The following SLC39A11 variants were observed in gnomAD, a reference collection of about 807,000 sequenced individuals.
SLC39A11 encodes solute carrier family 39 member 11.
In SLC39A11, 33 loss-of-function variants were observed where a neutral mutation model predicts 36.1. The ratio of observed to expected loss-of-function variants is 0.91; its 90% CI spans 0.69 to 1.22. The LOEUF is 1.22. SLC39A11 is among the 50% of genes most tolerant of loss of function. SLC39A11 has a pLI of 0.00. For missense variants in SLC39A11, 432 were observed against 430.3 expected (o/e 1.00, Z -0.03); for synonymous variants, 166 against 170.3 (o/e 0.97, Z 0.20).
Position 73,068,259 on chromosome 17 carries a change from G to A in SLC39A11, c.147+16549C>T, listed in dbSNP as rs534016691. The A allele has an allele frequency of 4.6e-5, 34 of 735,488 alleles. No individual in the cohort carries two copies. In the African/African-American group the frequency reaches 5.6e-4, roughly 12 times the overall value. The allele number at this position is 735,488 out of a possible 1,614,324, so 45.6% of individuals were successfully genotyped here. A position where few individuals can be genotyped will look rare whatever the true frequency, so the allele number is the denominator to read the frequency against. ...CCTCCAGTAGCACTTGAGGGAGGAA[G>A]CTGCAACATGGACTGCGGCTCCTCC... On this transcript the variant is annotated intron_variant, in intron 3 of 9. Coordinates refer to ENST00000255559, the MANE Select transcript of SLC39A11 (RefSeq NM_139177.4).
chr17:72,853,345 T>C (rs1270461828), intron 5 of SLC39A11, among the ~76,000 whole-genome samples: 1 of 151,978 alleles, frequency 6.6e-6, no homozygotes, highest in Non-Finnish European at 1.5e-5. Context: ...GATTTTATAA[T>C]TTAAGAGAGG....
At chr17:73,004,887 C>T (rs963139064) in intron 4 of SLC39A11, among the ~76,000 whole-genome samples, 1 of 152,232 alleles carries the variant, frequency 6.6e-6, no homozygotes, top group Admixed American at 6.5e-5. Context: ...AAACAGTCCA[C>T]GAGAGGCAGG....
intron 5 of SLC39A11, among the ~76,000 whole-genome samples, chr17:72,919,112 C>A (rs1189104355): frequency 6.6e-6 from 1 of 152,040 alleles, no homozygotes; most frequent in Non-Finnish European, 1.5e-5. Context: ...CCAATTCGGA[C>A]CTCCAAACCT....
intron 1 of SLC39A11, among the ~76,000 whole-genome samples, chr17:73,089,147 C>T (rs756633967): frequency 2.0e-5 from 3 of 152,110 alleles, no homozygotes; most frequent in Non-Finnish European, 2.9e-5. Flanking sequence ...CCTCTTCTAC[C>T]GTCTCTTGCC....
At chr17:73,020,918 T>A (rs574486198) in intron 4 of SLC39A11, among the ~76,000 whole-genome samples, 1 of 152,182 alleles carries the variant, frequency 6.6e-6, no homozygotes, top group South Asian at 2.1e-4. Flanking sequence ...CCTGACCTTG[T>A]GATCTACCTG....
At chr17:72,848,907 A>G (rs1460747934) in intron 6 of SLC39A11, among the ~76,000 whole-genome samples, 1 of 152,202 alleles carries the variant, frequency 6.6e-6, no homozygotes, top group Non-Finnish European at 1.5e-5. Context: ...TTCCCTGCGC[A>G]GTAGAAAATC....
rs151142811 is a variant in SLC39A11, at chr17:73,047,990, A to AATATAT, written c.148-16282_148-16277dup. The stretch of plus-strand genomic sequence containing the variant: ...TCAAAAAAAAAAAAAAAAAAAAAAA[A>AATATAT]ATATATATATATATATATATATATA... On this transcript the variant is annotated intron_variant, in intron 3 of 9. Transcript: ENST00000255559. 2.0e-3 allele frequency among the ~76,000 whole-genome samples: 119 copies of AATATAT among 58,648 alleles called. 1 individual carries two copies. Among genetic ancestry groups the AATATAT allele is most frequent in the African/African-American group, 2.8e-3 (43 of 15,226 alleles). The allele number at this position is 58,648 out of a possible 152,430, so 38.5% of individuals were successfully genotyped here. A position where few individuals can be genotyped will look rare whatever the true frequency, so the allele number is the denominator to read the frequency against.
At chr17:72,961,709 C>T (rs1327612247) in intron 4 of SLC39A11, among the ~76,000 whole-genome samples, 3 of 146,572 alleles carry the variant, frequency 2.0e-5, no homozygotes, top group East Asian at 2.0e-4. Context: ...GGACACGGGG[C>T]GGGGAACATC....
intron 6 of SLC39A11, among the ~76,000 whole-genome samples, chr17:72,807,133 T>C (rs1026164547): frequency 4.6e-5 from 7 of 152,250 alleles, no homozygotes; most frequent in African/African-American, 1.4e-4. Flanking sequence ...CTTTTCATTA[T>C]TGATAGCATC....
chr17:72,987,081 T>A (rs1328124582), intron 4 of SLC39A11, among the ~76,000 whole-genome samples: 4 of 152,106 alleles, frequency 2.6e-5, no homozygotes, highest in Admixed American at 2.6e-4. Context: ...CTCCCCACAG[T>A]AATGTGCGAG....
rs142995203 is a variant in SLC39A11 at position 73,070,916 on chromosome 17, C to T, written c.147+13892G>A. Among the ~76,000 whole-genome samples, 254 of 152,278 alleles carry T rather than the reference C, an allele frequency of 1.7e-3. 1 individual carries two copies. Among genetic ancestry groups the T allele is most frequent in the African/African-American group, 5.8e-3 (239 of 41,540 alleles). On this transcript the variant is annotated intron_variant, in intron 3 of 9. Transcript: ENST00000255559. ...ACATCTCTTTTGTAAATTGCCCAGTCTCCCGTATGTCTTTATCAGCAGCAT... is the reference window on the plus strand; with the variant it reads ...ACATCTCTTTTGTAAATTGCCCAGTTTCCCGTATGTCTTTATCAGCAGCAT...
At chr17:72,865,166 CA>C (rs2080236529) in intron 5 of SLC39A11, among the ~76,000 whole-genome samples, 1 of 152,112 alleles carries the variant, frequency 6.6e-6, no homozygotes, top group Admixed American at 6.5e-5. Context: ...AAAACCAGTT[CA>C]GAGGTTGCCT....
chr17:72,694,694 T>A (rs1598367443), intron 7 of SLC39A11, among the ~76,000 whole-genome samples: 1 of 152,124 alleles, frequency 6.6e-6, no homozygotes, highest in Non-Finnish European at 1.5e-5. Context: ...CAGGGTGGGG[T>A]GGTCCCCTCA....
intron 3 of SLC39A11, among the ~76,000 whole-genome samples, chr17:73,058,266 T>G (rs1359351831): frequency 2.0e-5 from 3 of 152,204 alleles, no homozygotes; most frequent in Admixed American, 1.3e-4. Flanking sequence ...GGGGCAATAA[T>G]GAGTAATCGA....
chr17:73,014,666 T>C (rs1164729695), intron 4 of SLC39A11, among the ~76,000 whole-genome samples: 2 of 152,150 alleles, frequency 1.3e-5, no homozygotes, highest in African/African-American at 4.8e-5. Flanking sequence ...CAAAAAACCA[T>C]GCGGATGGGC....
At chr17:72,791,792 G>A (rs2714015) in intron 6 of SLC39A11, among the ~76,000 whole-genome samples, 1 of 151,918 alleles carries the variant, frequency 6.6e-6, no homozygotes, top group African/African-American at 2.4e-5. Flanking sequence ...GGGGCTTTTC[G>A]CCCTTTTGCT....
At chr17:72,665,977 A>G (rs529014240) in intron 7 of SLC39A11, among the ~76,000 whole-genome samples, 1 of 152,332 alleles carries the variant, frequency 6.6e-6, no homozygotes, top group South Asian at 2.1e-4. Flanking sequence ...TGCCAGGTGC[A>G]TACAGCAATG....
At chr17:73,018,412 A>T (rs2058238391) in intron 4 of SLC39A11, among the ~76,000 whole-genome samples, 1 of 152,008 alleles carries the variant, frequency 6.6e-6, no homozygotes. Context: ...TCCACACGTG[A>T]TGGCAGGCTC....
chr17:73,044,812 G>A (rs1239434924), intron 3 of SLC39A11, among the ~76,000 whole-genome samples: 1 of 151,206 alleles, frequency 6.6e-6, no homozygotes, highest in Non-Finnish European at 1.5e-5. Flanking sequence ...GGGAGGTGGA[G>A]GTTGCAGTGA....
Sources: gnomAD v4.1 joint callset for allele counts (sites outside exome capture counted in the v4.1 genomes callset) on GRCh38, gnomAD v4.1.1 for gene constraint, MANE v1.5 for transcripts, NCBI Gene and HGNC (gene_info 2026-07-23, HGNC 2026-07-21) for gene names.